Variants in FRMD3 observed in about 807,000 individuals in gnomAD.
The protein encoded by FRMD3 is FERM domain-containing protein 3.
Under a neutral mutation model 70.2 loss-of-function variants are expected in FRMD3, and 33 were observed. The observed-to-expected ratio is 0.47, with a 90% CI of 0.36 to 0.63. FRMD3 has a LOEUF of 0.63. FRMD3 is among the 20% of genes least tolerant of loss of function. FRMD3 has a pLI of 0.00. For missense variants in FRMD3, 632 were observed against 711.4 expected (o/e 0.89, Z 1.27); for synonymous variants, 279 against 255.9 (o/e 1.09, Z -0.86).
chr9:83,524,941 A>G (rs138687564), intron 1 of FRMD3, among the ~76,000 whole-genome samples: 66 of 152,308 alleles, frequency 4.3e-4, no homozygotes, highest in Non-Finnish European at 7.8e-4. Flanking sequence ...TCGACCGGCC[A>G]AAAAATAACA....
intron 1 of FRMD3, among the ~76,000 whole-genome samples, chr9:83,524,990 G>T (rs1161774782): frequency 6.6e-6 from 1 of 152,134 alleles, no homozygotes; most frequent in Non-Finnish European, 1.5e-5. Context: ...TAGCCAACTA[G>T]TTAATTAGGT....
chr9:83,470,242 G>A (rs1055548770), intron 1 of FRMD3, among the ~76,000 whole-genome samples: 1 of 152,140 alleles, frequency 6.6e-6, no homozygotes, highest in Admixed American at 6.6e-5. Context: ...GCCCAGAGAA[G>A]GTTCTGGACC....
intron 1 of FRMD3, among the ~76,000 whole-genome samples, chr9:83,466,423 G>A (rs766848149): frequency 3.3e-5 from 5 of 152,182 alleles, no homozygotes; most frequent in African/African-American, 4.8e-5. Context: ...CTAGAAAGCC[G>A]AGTTCCACGA....
At chr9:83,405,607 C>CAAA (rs34523655) in intron 1 of FRMD3, among the ~76,000 whole-genome samples, 2 of 141,758 alleles carry the variant, frequency 1.4e-5, no homozygotes, top group African/African-American at 5.2e-5. Context: ...ACTAAAAATG[C>CAAA]AAAAAAAAAA....
At chr9:83,496,880 G>A (rs1453147518) in intron 1 of FRMD3, among the ~76,000 whole-genome samples, 5 of 152,114 alleles carry the variant, frequency 3.3e-5, no homozygotes, top group South Asian at 2.1e-4. Flanking sequence ...TTGGGAGGCC[G>A]AGGCAGGCGG....
intron 1 of FRMD3, among the ~76,000 whole-genome samples, chr9:83,435,390 C>G (rs1475464697): frequency 6.6e-6 from 1 of 152,072 alleles, no homozygotes; most frequent in Non-Finnish European, 1.5e-5. Context: ...AAAGTGAGCT[C>G]TAAAGCCACC....
At position 83,246,383 on chromosome 9, in the gene FRMD3, C is replaced by G. The variant is rs1158796982; in HGVS notation, c.*1535G>C. 1.0e-6 allele frequency: 1 copy of G among 984,414 alleles called. No individual in the cohort carries two copies. Among genetic ancestry groups the G allele is most frequent in the African/African-American group, 1.7e-5 (1 of 57,168 alleles). 61.0% of individuals were successfully genotyped at this position (984,414 alleles called of 1,614,324 possible). ...GATGGTACAATGCTCTAGTACCTTC[C>G]TTGATACCATTAAATTGTTGGATTA... On this transcript the variant is annotated 3_prime_UTR_variant, in exon 14 of 14. Coordinates refer to ENST00000304195, the MANE Select transcript of FRMD3 (RefSeq NM_174938.6).
chr9:83,448,297 T>A lies in FRMD3; in HGVS notation c.148-58589A>T, dbSNP rs572930220. On this transcript the variant is annotated intron_variant, in intron 1 of 13. Coordinates refer to ENST00000304195, the MANE Select transcript of FRMD3 (RefSeq NM_174938.6). ...ACAGTCCCCACCGCTCCCTATTGTC[T>A]CACTCCTGGCCCTATCTAAATAGAG... Among the ~76,000 whole-genome samples, 8 of 152,274 alleles carry A rather than the reference T, an allele frequency of 5.3e-5. No individual in the cohort carries two copies. The East Asian group carries it at 7.7e-4, about 15-fold the overall frequency.
chr9:83,378,334 C>T (rs1825216842), intron 2 of FRMD3, among the ~76,000 whole-genome samples: 1 of 146,410 alleles, frequency 6.8e-6, no homozygotes, highest in Non-Finnish European at 1.5e-5. Context: ...AATCTCAGCT[C>T]ACAGCAGCCT....
chr9:83,354,696 T>C (rs920814660), intron 3 of FRMD3, among the ~76,000 whole-genome samples: 2 of 151,958 alleles, frequency 1.3e-5, no homozygotes, highest in Non-Finnish European at 2.9e-5. Context: ...ACACATTCAG[T>C]AGGGGTAAAC....
chr9:83,328,547 G>C (rs558788317), intron 6 of FRMD3, among the ~76,000 whole-genome samples: 2 of 152,208 alleles, frequency 1.3e-5, no homozygotes, highest in African/African-American at 2.4e-5. Context: ...AGTCGAAGGC[G>C]CTAAATGATA....
At chr9:83,278,004 T>C (rs10780584) in intron 13 of FRMD3, among the ~76,000 whole-genome samples, 136,183 of 152,186 alleles carry the variant, frequency 0.89, 61,481 homozygotes, top group East Asian at 1. Flanking sequence ...GTGTCAGGTG[T>C]TCTGAAGAAA....
chr9:83,480,213 G>T (rs1828534607), intron 1 of FRMD3, among the ~76,000 whole-genome samples: 1 of 152,104 alleles, frequency 6.6e-6, no homozygotes, highest in Admixed American at 6.5e-5. Context: ...GGCAGCAAAT[G>T]AATAAACTGT....
intron 13 of FRMD3, among the ~76,000 whole-genome samples, chr9:83,286,466 A>G (rs1834215870): frequency 6.6e-6 from 1 of 152,044 alleles, no homozygotes; most frequent in African/African-American, 2.4e-5. Context: ...CAAGTAGCTG[A>G]GATTACAGGC....
At chr9:83,492,045 A>G (rs76438386) in intron 1 of FRMD3, among the ~76,000 whole-genome samples, 396 of 152,282 alleles carry the variant, frequency 2.6e-3, no homozygotes, top group African/African-American at 9.1e-3. Context: ...CTAATTTTGA[A>G]TGTAAAAATG....
chr9:83,551,379 G>A, the FRMD3 span, among the ~76,000 whole-genome samples: 1 of 152,206 alleles, frequency 6.6e-6, no homozygotes, highest in African/African-American at 2.4e-5. Flanking sequence ...TGGTTTGCAA[G>A]TATTTTCTTG....
At chr9:83,269,541 T>C (rs1367607729) in intron 13 of FRMD3, among the ~76,000 whole-genome samples, 2 of 152,074 alleles carry the variant, frequency 1.3e-5, no homozygotes, top group Non-Finnish European at 2.9e-5. Context: ...ACCCCATCTC[T>C]ATTAAAAATA....
intron 13 of FRMD3, among the ~76,000 whole-genome samples, chr9:83,252,827 T>C (rs1832493130): frequency 6.6e-6 from 1 of 152,138 alleles, no homozygotes; most frequent in Non-Finnish European, 1.5e-5. Context: ...CCTAAATATA[T>C]ATGCACCCAA....
intron 1 of FRMD3, among the ~76,000 whole-genome samples, chr9:83,511,256 A>C (rs986953096): frequency 5.9e-5 from 9 of 152,208 alleles, no homozygotes; most frequent in African/African-American, 1.9e-4. Flanking sequence ...AATATAATGC[A>C]CTGTACACAC....
Sources: allele counts gnomAD v4.1 joint callset (sites outside exome capture counted in the v4.1 genomes callset), GRCh38; gene constraint gnomAD v4.1.1; transcripts MANE v1.5; gene names NCBI Gene and HGNC (gene_info 2026-07-23, HGNC 2026-07-21).